The following DLC1 variants were observed in gnomAD, a reference collection of about 807,000 sequenced individuals.
The protein encoded by DLC1 is DLC1 Rho GTPase activating protein, also known as rho GTPase-activating protein 7.
DLC1 carries 54 observed loss-of-function variants against 140.3 expected under a neutral mutation model. That is an observed-to-expected ratio of 0.38 (90% CI 0.31 to 0.48). The LOEUF is 0.48. Ranked by LOEUF, DLC1 falls within the 20% of genes least tolerant of loss-of-function variation. The pLI, the probability that DLC1 is intolerant of heterozygous loss-of-function variation, is 0.96. For missense variants in DLC1, 2,536 were observed against 1,907.0 expected (o/e 1.33, Z -6.14); for synonymous variants, 986 against 728.1 (o/e 1.35, Z -5.70).
intron 5 of DLC1, among the ~76,000 whole-genome samples, chr8:13,277,649 A>G (rs2117410957): frequency 6.6e-6 from 1 of 152,296 alleles, no homozygotes; most frequent in Non-Finnish European, 1.5e-5. Context: ...CTACGCCAAT[A>G]AATTTGGCAG....
At chr8:13,389,215 T>C (rs528253103) in intron 4 of DLC1, among the ~76,000 whole-genome samples, 2 of 152,234 alleles carry the variant, frequency 1.3e-5, no homozygotes, top group South Asian at 2.1e-4. Flanking sequence ...TCTGCACTTA[T>C]AAGTAAATTA....
rs1236188049 is a variant in DLC1, at chr8:13,084,075, CA to C, written c.*1735del. ...ATAAGAAGAAAAAAGCCTTGAGGTA[CA>C]AAACCCAAAAGAATATCTGAGGTAT... On this transcript the variant is annotated 3_prime_UTR_variant, in exon 18 of 18. Coordinates refer to ENST00000276297, the MANE Select transcript of DLC1 (RefSeq NM_182643.3). 6.6e-6 allele frequency: 1 copy of C among 152,408 alleles called. No homozygotes were observed. Among genetic ancestry groups the C allele is most frequent in the African/African-American group, 2.4e-5 (1 of 41,392 alleles). 9.4% of individuals were successfully genotyped at this position (152,408 alleles called of 1,614,324 possible).
At chr8:13,255,508 T>C (rs943972727) in intron 5 of DLC1, among the ~76,000 whole-genome samples, 1 of 152,108 alleles carries the variant, frequency 6.6e-6, no homozygotes, top group Non-Finnish European at 1.5e-5. Context: ...TTTGAATATA[T>C]GAATGAATGA....
At chr8:13,286,177 C>G (rs59596708) in intron 5 of DLC1, among the ~76,000 whole-genome samples, 9 of 152,190 alleles carry the variant, frequency 5.9e-5, no homozygotes, top group Admixed American at 3.9e-4. Flanking sequence ...TGTTCAAAAT[C>G]TGATATCAGG....
At chr8:13,581,151 C>A (rs1220301199) in intron 1 of DLC1, among the ~76,000 whole-genome samples, 1 of 152,238 alleles carries the variant, frequency 6.6e-6, no homozygotes, top group East Asian at 1.9e-4. Context: ...CCTGGGAGAT[C>A]TCATTCAGTC....
At chr8:13,268,927 T>A (rs1830802692) in intron 5 of DLC1, among the ~76,000 whole-genome samples, 1 of 145,422 alleles carries the variant, frequency 6.9e-6, no homozygotes, top group Non-Finnish European at 1.5e-5. Context: ...CAGGCTAGAG[T>A]GCAGTGGCGT....
At chr8:13,312,119 TG>T (rs1832690167) in intron 4 of DLC1, among the ~76,000 whole-genome samples, 1 of 130,334 alleles carries the variant, frequency 7.7e-6, no homozygotes, top group African/African-American at 3.0e-5. Flanking sequence ...CCCAGCACTT[TG>T]GGAGGCCGAG....
intron 1 of DLC1, among the ~76,000 whole-genome samples, chr8:13,587,866 A>G (rs1805384917): frequency 6.6e-6 from 1 of 151,600 alleles, no homozygotes; most frequent in Non-Finnish European, 1.5e-5. Context: ...TCATGCCCCA[A>G]TTACTATAAC....
At chr8:13,225,891 A>G (rs1828775817) in intron 5 of DLC1, among the ~76,000 whole-genome samples, 1 of 152,100 alleles carries the variant, frequency 6.6e-6, no homozygotes, top group Admixed American at 6.5e-5. Context: ...CTGGGATTAC[A>G]GGCGTGAGCC....
chr8:13,197,878 G>GT (rs1323588585), intron 5 of DLC1, among the ~76,000 whole-genome samples: 1 of 152,090 alleles, frequency 6.6e-6, no homozygotes, highest in East Asian at 1.9e-4. Flanking sequence ...GGACATATTA[G>GT]TTTAAACTTC....
chr8:13,285,765 C>T (rs113166453), intron 5 of DLC1, among the ~76,000 whole-genome samples: 22 of 151,972 alleles, frequency 1.4e-4, no homozygotes, highest in African/African-American at 4.1e-4. Context: ...TTAAACGTAC[C>T]CTACCAATGA....
chr8:13,160,263 C>G (rs1824585046), intron 5 of DLC1: 1 of 152,218 alleles, frequency 6.6e-6, no homozygotes, highest in Non-Finnish European at 1.5e-5. Flanking sequence ...CCCGCTGCTT[C>G]ACTTGACTAG....
At chr8:13,296,377 A>G (rs1057185760) in intron 5 of DLC1, among the ~76,000 whole-genome samples, 7 of 152,114 alleles carry the variant, frequency 4.6e-5, no homozygotes, top group Non-Finnish European at 1.0e-4. Flanking sequence ...TTTTCTACTG[A>G]TAAGAGGTCA....
intron 15 of DLC1, 37 bp from the exon 16 acceptor site, chr8:13,088,741 C>G (rs748016198): frequency 1.9e-6 from 3 of 1,589,674 alleles, no homozygotes; most frequent in Admixed American, 1.7e-5. Context: ...CCAAGGCAAT[C>G]CATACACACC....
At position 13,428,291 on chromosome 8, in the gene DLC1, A is replaced by T. The variant is rs890904799; in HGVS notation, c.1024-26672T>A. ...ATTTCAAGCATACATGTGGGTTTAT[A>T]TTAATATTTCAAAAATGTTATTGTG... On this transcript the variant is annotated intron_variant, in intron 2 of 17. Coordinates refer to ENST00000276297, the MANE Select transcript of DLC1 (RefSeq NM_182643.3). 6.9e-5 allele frequency among the ~76,000 whole-genome samples: 10 copies of T among 145,792 alleles called. No homozygotes were observed. In the South Asian group the frequency reaches 2.1e-3, roughly 30 times the overall value.
At chr8:13,185,409 G>T (rs1432873025) in intron 5 of DLC1, among the ~76,000 whole-genome samples, 2 of 151,746 alleles carry the variant, frequency 1.3e-5, no homozygotes, top group African/African-American at 4.8e-5. Context: ...CTGGGTTCAT[G>T]CCATTCTCCT....
At chr8:13,247,513 C>A (rs763150934) in intron 5 of DLC1, among the ~76,000 whole-genome samples, 1 of 152,126 alleles carries the variant, frequency 6.6e-6, no homozygotes, top group Non-Finnish European at 1.5e-5. Context: ...TATTCATATC[C>A]TTTCCATTTT....
At chr8:13,221,968 ATAAT>A (rs1039401760) in intron 5 of DLC1, among the ~76,000 whole-genome samples, 5 of 145,318 alleles carry the variant, frequency 3.4e-5, no homozygotes, top group Non-Finnish European at 6.0e-5. Flanking sequence ...TATAACATAT[ATAAT>A]TAATTATATA....
chr8:13,579,776 C>G (rs1404921929), intron 1 of DLC1, among the ~76,000 whole-genome samples: 1 of 151,148 alleles, frequency 6.6e-6, no homozygotes, highest in Non-Finnish European at 1.5e-5. Context: ...TTGTAGTGTC[C>G]TAGTGAGCCC....
Sources: gnomAD v4.1 joint callset for allele counts (sites outside exome capture counted in the v4.1 genomes callset) on GRCh38, gnomAD v4.1.1 for gene constraint, MANE v1.5 for transcripts, NCBI Gene and HGNC (gene_info 2026-07-23, HGNC 2026-07-21) for gene names.